TESK2: variants seen among roughly 807,000 people sequenced by gnomAD.
TESK2 encodes the protein dual specificity testis-specific protein kinase 2.
In TESK2, 39 loss-of-function variants were observed where a neutral mutation model predicts 57.1. The ratio of observed to expected loss-of-function variants is 0.68; its 90% confidence interval spans 0.53 to 0.89. TESK2 has a LOEUF of 0.89. TESK2 is among the 40% of genes least tolerant of loss of function. The pLI is 0.00. For synonymous variants in TESK2, 249 were observed against 267.9 expected, an observed-to-expected ratio of 0.93 and a Z score of 0.69; for missense variants, 646 against 732.1, an observed-to-expected ratio of 0.88 and a Z score of 1.36.
At chr1:45,465,842 A>G (rs1039564428) in intron 1 of TESK2, among the ~76,000 whole-genome samples, 3 of 152,222 alleles carry the variant, frequency 2.0e-5, no homozygotes, top group Non-Finnish European at 4.4e-5. Context: ...TCAATAAAAC[A>G]TACAGCACTT....
chr1:45,446,593 A>G (rs1225681191), intron 2 of TESK2, among the ~76,000 whole-genome samples: 1 of 152,216 alleles, frequency 6.6e-6, no homozygotes, highest in Non-Finnish European at 1.5e-5. Flanking sequence ...GAACAAAAAA[A>G]TAGGACCAAG....
chr1:45,391,732 GCATTAAT>G (rs1220458121), intron 3 of TESK2, among the ~76,000 whole-genome samples: 1 of 152,102 alleles, frequency 6.6e-6, no homozygotes, highest in African/African-American at 2.4e-5. Flanking sequence ...GACGCCCTTA[GCATTAAT>G]CTCTTCTCTC....
At chr1:45,397,865 A>G (rs1047640710) in intron 3 of TESK2, among the ~76,000 whole-genome samples, 2 of 152,192 alleles carry the variant, frequency 1.3e-5, no homozygotes, top group Non-Finnish European at 2.9e-5. Flanking sequence ...ACATTTATAT[A>G]GCATTTAGTG....
chr1:45,470,831 C>T (rs1386085976), intron 1 of TESK2, among the ~76,000 whole-genome samples: 1 of 152,164 alleles, frequency 6.6e-6, no homozygotes, highest in Non-Finnish European at 1.5e-5. Context: ...AAGTGCTTTA[C>T]ATTTAATATC....
chr1:45,358,715 A>T (rs1218483739), intron 4 of TESK2, among the ~76,000 whole-genome samples: 1 of 152,116 alleles, frequency 6.6e-6, no homozygotes, highest in Non-Finnish European at 1.5e-5. Context: ...TGCACATGAA[A>T]ATCCAATCAT....
At chr1:45,443,420 A>C (rs1651521876) in intron 2 of TESK2, among the ~76,000 whole-genome samples, 1 of 107,066 alleles carries the variant, frequency 9.3e-6, no homozygotes, top group Non-Finnish European at 2.0e-5. Flanking sequence ...ACAAAAAAAA[A>C]ATTAGCCGAA....
intron 7 of TESK2, 70 bp from the exon 8 acceptor site, chr1:45,347,132 C>T (rs1428347677): frequency 2.9e-6 from 4 of 1,373,384 alleles, no homozygotes; most frequent in Non-Finnish European, 3.1e-6. Flanking sequence ...CCTGCCCCTG[C>T]CTCCCCTGCA....
chr1:45,483,601 GA>G (rs11286213), intron 1 of TESK2, among the ~76,000 whole-genome samples: 62,737 of 132,262 alleles, frequency 0.47, 13,370 homozygotes, highest in East Asian at 0.61. Flanking sequence ...TCAGAAAAAA[GA>G]AAAAAAAAAA....
At chr1:45,345,680 A>C in intron 10 of TESK2, 122 bp from the exon 11 acceptor site, 1 of 1,030,992 alleles carries the variant, frequency 9.7e-7, no homozygotes, top group Non-Finnish European at 1.4e-6. Flanking sequence ...TTACCAATGA[A>C]GAAACAGACT....
intron 2 of TESK2, among the ~76,000 whole-genome samples, chr1:45,448,660 G>A (rs1651743208): frequency 6.6e-6 from 1 of 152,058 alleles, no homozygotes; most frequent in South Asian, 2.1e-4. Context: ...TATCACCGAC[G>A]GGATGGTACT....
chr1:45,459,385 T>C (rs906006205), intron 1 of TESK2, among the ~76,000 whole-genome samples: 1 of 152,078 alleles, frequency 6.6e-6, no homozygotes. Flanking sequence ...TGAGGTTCCA[T>C]GAGATCTACC....
rs148557217 is a variant in TESK2 at position 45,413,604 on chromosome 1, TTC to T, written c.344+8119_344+8120del. Among the ~76,000 whole-genome samples the T allele has an allele frequency of 3.1e-3, 465 of 151,414 alleles. 4 individuals carry two copies. The highest frequency in any genetic ancestry group is 0.018 in the East Asian group (93 of 5,176). On this transcript the variant is annotated intron_variant, in intron 3 of 10. Transcript: ENST00000372086. ...TTCTTTCTTTCTTTCTTTCCTTCATTTCTCTCTCTCTCTCTTTCTTTTAAGCA... is the reference window on the plus strand; with the variant it reads ...TTCTTTCTTTCTTTCTTTCCTTCATTTCTCTCTCTCTCTTTCTTTTAAGCA...
chr1:45,416,667 G>A (rs1650254686), intron 3 of TESK2, among the ~76,000 whole-genome samples: 1 of 152,056 alleles, frequency 6.6e-6, no homozygotes, highest in African/African-American at 2.4e-5. Context: ...CTGCACAACA[G>A]ATTTCAGAAA....
intron 1 of TESK2, among the ~76,000 whole-genome samples, chr1:45,481,263 G>A (rs1653210986): frequency 1.3e-5 from 2 of 152,096 alleles, no homozygotes; most frequent in South Asian, 2.1e-4. Flanking sequence ...TACTCGGGAG[G>A]CTGAGGCAGG....
At position 45,428,403 on chromosome 1, in the gene TESK2, A is replaced by C. The variant is rs74227017; in HGVS notation, c.223-6557T>G. On this transcript the variant is annotated intron_variant, in intron 2 of 10. Transcript: ENST00000372086. ...TGAACATTGCATAAATATTCTACCA[A>C]GGGATAATAATCATGATCTTGTATG... Among the ~76,000 whole-genome samples, 84 of 152,360 alleles carry C rather than the reference A, an allele frequency of 5.5e-4. No individual in the cohort carries two copies. In the East Asian group the frequency reaches 0.013, roughly 23 times the overall value.
intron 3 of TESK2, among the ~76,000 whole-genome samples, chr1:45,417,713 T>A (rs966413344): frequency 2.6e-5 from 4 of 151,740 alleles, no homozygotes; most frequent in Non-Finnish European, 5.9e-5. Flanking sequence ...TGTCTCAGCC[T>A]CCCGAGTGGC....
chr1:45,484,000 TAAAA>T (rs35727304), intron 1 of TESK2, among the ~76,000 whole-genome samples: 5 of 144,332 alleles, frequency 3.5e-5, no homozygotes, highest in Non-Finnish European at 7.6e-5. Flanking sequence ...GATTCTGTCT[TAAAA>T]AAAAAAAAAA....
At chr1:45,360,131 G>C (rs762514454) in intron 4 of TESK2, among the ~76,000 whole-genome samples, 1 of 152,036 alleles carries the variant, frequency 6.6e-6, no homozygotes, top group Non-Finnish European at 1.5e-5. Context: ...TTAAAATAAG[G>C]CATAATGACG....
chr1:45,383,156 A>G (rs1053640811), intron 4 of TESK2, among the ~76,000 whole-genome samples: 1 of 152,252 alleles, frequency 6.6e-6, no homozygotes, highest in African/African-American at 2.4e-5. Flanking sequence ...GAGGACAAGC[A>G]TTCCACCAAC....
Sources: gnomAD v4.1 joint callset for allele counts (sites outside exome capture counted in the v4.1 genomes callset) on GRCh38, gnomAD v4.1.1 for gene constraint, MANE v1.5 for transcripts, NCBI Gene and HGNC (gene_info 2026-07-23, HGNC 2026-07-21) for gene names.